Variants in TMEM150C observed in about 807,000 individuals in gnomAD.
TMEM150C encodes the protein transmembrane protein 150C.
Under a neutral mutation model 29.9 loss-of-function variants are expected in TMEM150C, and 10 were observed. The ratio of observed to expected loss-of-function variants is 0.33; its 90% confidence interval spans 0.21 to 0.57. The LOEUF (loss-of-function observed/expected upper bound fraction) is 0.57, where lower values mean the gene tolerates loss of function less well. Ranked by LOEUF, TMEM150C falls within the 20% of genes least tolerant of loss-of-function variation. The pLI, the probability that TMEM150C is intolerant of heterozygous loss-of-function variation, is 0.88. For synonymous variants in TMEM150C, 101 were observed against 112.5 expected (o/e 0.90, Z 0.64); for missense variants, 251 against 303.6 (o/e 0.83, Z 1.29).
chr4:82,556,862 G>A (rs1469673046), intron 1 of TMEM150C, among the ~76,000 whole-genome samples: 1 of 152,056 alleles, frequency 6.6e-6, no homozygotes, highest in Admixed American at 6.5e-5. Context: ...ATGTTATCAG[G>A]GGGTGTTAAT....
At chr4:82,487,190 T>C (rs1723191622) in intron 7 of TMEM150C, among the ~76,000 whole-genome samples, 1 of 152,190 alleles carries the variant, frequency 6.6e-6, no homozygotes. Flanking sequence ...GGCTCATGCC[T>C]GTAATCCCAA....
chr4:82,545,535 C>T (rs1037584117), intron 1 of TMEM150C, among the ~76,000 whole-genome samples: 30 of 152,126 alleles, frequency 2.0e-4, no homozygotes, highest in African/African-American at 7.2e-4. Context: ...TACTGGAAAT[C>T]CTTGCCACAG....
intron 1 of TMEM150C, among the ~76,000 whole-genome samples, chr4:82,510,770 C>G (rs1186907402): frequency 2.0e-5 from 3 of 152,062 alleles, no homozygotes; most frequent in African/African-American, 7.2e-5. Flanking sequence ...CTCTCAGGGC[C>G]AACTGGAATG....
chr4:82,484,509 C>A lies in TMEM150C; in HGVS notation c.*1002G>T, dbSNP rs1344442825. The A allele has an allele frequency of 6.6e-6, 1 of 151,924 alleles. No individual in the cohort carries two copies. The highest frequency in any genetic ancestry group is 1.5e-5 in the Non-Finnish European group (1 of 68,008). The allele number at this position is 151,924 out of a possible 1,614,324, so 9.4% of individuals were successfully genotyped here. The stretch of plus-strand genomic sequence containing the variant: ...CAACAAGATACTGTAAGGTGCCTAT[C>A]TTTGATAAATGTCCAGCAGCAGCTC... On this transcript the variant is annotated 3_prime_UTR_variant, in exon 8 of 8. Coordinates refer to ENST00000449862, the MANE Select transcript of TMEM150C (RefSeq NM_001080506.3).
chr4:82,523,032 A>T lies in TMEM150C; in HGVS notation c.-10-18365T>A, dbSNP rs146380807. On this transcript the variant is annotated intron_variant, in intron 1 of 7. Coordinates refer to ENST00000449862, the MANE Select transcript of TMEM150C (RefSeq NM_001080506.3). Reference sequence around the variant, plus strand: ...GGAGCCCTGACCAAAGTTTAGTCACATGAAGAATCTTTGTCAGAGGGTAGG... The same window carrying T: ...GGAGCCCTGACCAAAGTTTAGTCACTTGAAGAATCTTTGTCAGAGGGTAGG... Among the ~76,000 whole-genome samples the T allele has an allele frequency of 9.1e-3, 1,381 of 152,298 alleles. 17 individuals carry two copies. Among genetic ancestry groups the T allele is most frequent in the African/African-American group, 0.032 (1,321 of 41,558 alleles).
At chr4:82,491,464 G>A (rs976725356) in intron 6 of TMEM150C, 15 of 689,800 alleles carry the variant, frequency 2.2e-5, no homozygotes, top group Admixed American at 1.0e-4. Context: ...ATATAGCGGG[G>A]CAATTTCACA....
chr4:82,496,003 T>C, intron 6 of TMEM150C, 65 bp downstream of exon 6: 2 of 1,602,392 alleles, frequency 1.2e-6, no homozygotes, highest in Admixed American at 3.4e-5. Flanking sequence ...TCAATAGCTT[T>C]GATAGTCTCA....
Position 82,496,058 on chromosome 4 carries a change from A to C in TMEM150C, c.363+10T>G, listed in dbSNP as rs199919911. The C allele has an allele frequency of 1.2e-6, 2 of 1,613,988 alleles. No individual in the cohort carries two copies. The highest frequency in any genetic ancestry group is 1.3e-5 in the African/African-American group (1 of 75,058). On this transcript the variant is annotated intron_variant, in intron 6 of 7. Transcript: ENST00000449862. ...TGTCAGAGGGAGGTGAAAAAGGCCA[A>C]ATCAAGTACCTGAAAATTACCAAGT...
intron 1 of TMEM150C, among the ~76,000 whole-genome samples, chr4:82,538,867 C>G (rs1187594826): frequency 6.6e-6 from 1 of 152,044 alleles, no homozygotes; most frequent in Non-Finnish European, 1.5e-5. Flanking sequence ...TTGAGACCAG[C>G]CTGGGCAACA....
intron 6 of TMEM150C, chr4:82,491,514 A>G (rs967830010): frequency 1.4e-4 from 96 of 673,492 alleles, no homozygotes; most frequent in Non-Finnish European, 2.0e-4. Flanking sequence ...GTCCTGTCCA[A>G]TGCCAAAATT....
At chr4:82,494,400 A>G (rs545591690) in intron 6 of TMEM150C, among the ~76,000 whole-genome samples, 58 of 152,328 alleles carry the variant, frequency 3.8e-4, no homozygotes, top group African/African-American at 1.3e-3. Flanking sequence ...TAGGAGTAGC[A>G]TATCTTTATA....
intron 1 of TMEM150C, among the ~76,000 whole-genome samples, chr4:82,512,890 A>G (rs1393442181): frequency 6.6e-6 from 1 of 152,234 alleles, no homozygotes; most frequent in Non-Finnish European, 1.5e-5. Context: ...CAAAAAACAA[A>G]AAGTGGCCTC....
At chr4:82,536,172 A>G (rs939938871) in intron 1 of TMEM150C, among the ~76,000 whole-genome samples, 1 of 152,122 alleles carries the variant, frequency 6.6e-6, no homozygotes, top group Non-Finnish European at 1.5e-5. Context: ...CATCTGGCCA[A>G]CATGGTGATA....
intron 6 of TMEM150C, among the ~76,000 whole-genome samples, chr4:82,493,040 G>A (rs1006358626): frequency 1.3e-5 from 2 of 150,764 alleles, no homozygotes; most frequent in African/African-American, 4.9e-5. Context: ...GCACATATAA[G>A]AAAGTAAAAT....
chr4:82,496,755 A>C (rs1257403907), intron 5 of TMEM150C, among the ~76,000 whole-genome samples: 2 of 152,228 alleles, frequency 1.3e-5, no homozygotes, highest in Non-Finnish European at 2.9e-5. Flanking sequence ...CAGCGCCATA[A>C]ACCATTCCTG....
chr4:82,544,001 A>G (rs1227350656), intron 1 of TMEM150C, among the ~76,000 whole-genome samples: 1 of 152,194 alleles, frequency 6.6e-6, no homozygotes, highest in Non-Finnish European at 1.5e-5. Flanking sequence ...GATTTGTTTT[A>G]CCAAATTTTG....
chr4:82,538,352 C>G (rs915299630), intron 1 of TMEM150C, among the ~76,000 whole-genome samples: 31 of 152,114 alleles, frequency 2.0e-4, no homozygotes, highest in Admixed American at 1.8e-3. Context: ...GCCGCCGCAC[C>G]CAGCCTATGC....
In TMEM150C at chr4:82,485,396, A is replaced by ATGTGTG. The variant is rs3832273; in HGVS notation, c.*109_*114dup. ...GCTCATTTGGCAAATGTGGCCATGA[A>ATGTGTG]TGTGTGTGTGTGTGTGTGTGTGAAA... On this transcript the variant is annotated 3_prime_UTR_variant, in exon 8 of 8. Coordinates refer to ENST00000449862, the MANE Select transcript of TMEM150C (RefSeq NM_001080506.3). 0.19 allele frequency: 133,029 copies of ATGTGTG among 692,242 alleles called. 6,328 individuals carry two copies. Among genetic ancestry groups the ATGTGTG allele is most frequent in the South Asian group, 0.26 (12,899 of 49,390 alleles). 42.9% of individuals were successfully genotyped at this position (692,242 alleles called of 1,614,324 possible).
chr4:82,562,118 T>G, upstream of TMEM150C: 1 of 1,258,936 alleles, frequency 7.9e-7, no homozygotes, highest in Non-Finnish European at 1.0e-6. Flanking sequence ...GTTGATCCCC[T>G]GGGTCTCGGG....
Sources: gnomAD v4.1 joint callset for allele counts (sites outside exome capture counted in the v4.1 genomes callset) on GRCh38, gnomAD v4.1.1 for gene constraint, MANE v1.5 for transcripts, NCBI Gene and HGNC (gene_info 2026-07-23, HGNC 2026-07-21) for gene names.